The following DOCK5 variants were observed in gnomAD, a reference collection of about 807,000 sequenced individuals.
DOCK5 encodes the protein dedicator of cytokinesis 5.
DOCK5 carries 142 observed loss-of-function variants against 251.8 expected under a neutral mutation model. The ratio of observed to expected loss-of-function variants is 0.56; its 90% CI spans 0.49 to 0.65. The LOEUF (loss-of-function observed/expected upper bound fraction) is 0.65. Ranked by LOEUF, DOCK5 falls within the 30% of genes least tolerant of loss-of-function variation. The probability of loss-of-function intolerance (pLI) is 0.00; values close to 1 mark genes in which losing one functional copy is unlikely to be tolerated. For synonymous variants in DOCK5, 842 were observed against 835.5 expected (o/e 1.01, Z -0.13); for missense variants, 2,111 against 2,312.3 (o/e 0.91, Z 1.79).
At chr8:25,368,430 A>G (rs996517357) in intron 32 of DOCK5, 141 bp from the exon 33 acceptor site, 21 of 1,111,670 alleles carry the variant, frequency 1.9e-5, no homozygotes, top group African/African-American at 4.8e-5. Flanking sequence ...TGGCATCCAC[A>G]TGCTATCAGA....
chr8:25,411,701 G>A lies in DOCK5; in HGVS notation c.*403G>A, dbSNP rs868365531. On this transcript the variant is annotated 3_prime_UTR_variant, in exon 52 of 52. Transcript: ENST00000276440. ...TTTTGCTTTGCTTATGAAAAGCTGTGCTTGAGACTTAGGTACTTTTCTCAC... is the reference window on the plus strand; with the variant it reads ...TTTTGCTTTGCTTATGAAAAGCTGTACTTGAGACTTAGGTACTTTTCTCAC... 1 of 162,006 alleles carries A rather than the reference G, an allele frequency of 6.2e-6. No individual in the cohort carries two copies. The highest frequency in any genetic ancestry group is 1.3e-5 in the Non-Finnish European group (1 of 74,970). The allele number at this position is 162,006 out of a possible 1,614,324, so 10.0% of individuals were successfully genotyped here.
chr8:25,374,807 T>C (rs778082334), intron 37 of DOCK5, 153 bp downstream of exon 37: 191 of 1,528,382 alleles, frequency 1.2e-4, no homozygotes, highest in Non-Finnish European at 1.5e-4. Flanking sequence ...TAGGCACAGC[T>C]AATTTGTAGA....
chr8:25,411,295 G>GT lies in DOCK5; in HGVS notation c.5611dup (p.Ter1871LeufsTer13). The GT allele has an allele frequency of 6.5e-7, 1 of 1,536,444 alleles. No individual in the cohort carries two copies. Among genetic ancestry groups the GT allele is most frequent in the African/African-American group, 1.4e-5 (1 of 70,548 alleles). On this transcript the variant is annotated frameshift_variant, in exon 52 of 52. Transcript: ENST00000276440. LOFTEE classifies it high-confidence loss of function. Reference sequence around the variant, plus strand: ...TCCCTACTTCCGAGCCTGGATCCCAGTAAGGATCTTGCCCTCCCTGCAACA... The same window carrying GT: ...TCCCTACTTCCGAGCCTGGATCCCAGTTAAGGATCTTGCCCTCCCTGCAACA...
intron 1 of DOCK5, among the ~76,000 whole-genome samples, chr8:25,221,205 T>C (rs1009908446): frequency 6.6e-6 from 1 of 152,222 alleles, no homozygotes; most frequent in Admixed American, 6.5e-5. Flanking sequence ...TCTTTCTCTT[T>C]CCAAAGGAAT....
In DOCK5 at chr8:25,325,635, G is replaced by C. The variant is rs191968903; in HGVS notation, c.1903+88G>C. On this transcript the variant is annotated intron_variant, in intron 18 of 51. Transcript: ENST00000276440. ...TTAGGCTCACAGGGCTGGACTATAT[G>C]GGGCTGGGTCTTATTAGGTAGGATG... The C allele has an allele frequency of 9.4e-6, 14 of 1,484,724 alleles. No homozygotes were observed. The African/African-American group carries it at 1.7e-4, about 18-fold the overall frequency. The allele number at this position is 1,484,724 out of a possible 1,614,324, so 92.0% of individuals were successfully genotyped here.
chr8:25,246,567 G>A (rs888545541), intron 2 of DOCK5, among the ~76,000 whole-genome samples: 2 of 152,152 alleles, frequency 1.3e-5, no homozygotes, highest in Admixed American at 6.6e-5. Flanking sequence ...GTAAGCCACC[G>A]CACCTGGTCA....
chr8:25,360,021 C>T (rs566685339), intron 28 of DOCK5, among the ~76,000 whole-genome samples: 55 of 152,274 alleles, frequency 3.6e-4, no homozygotes, highest in Non-Finnish European at 6.9e-4. Flanking sequence ...CAGGATGTGC[C>T]GCTGGATTAG....
chr8:25,245,474 A>T (rs899281051), intron 2 of DOCK5, among the ~76,000 whole-genome samples: 1 of 151,614 alleles, frequency 6.6e-6, no homozygotes, highest in South Asian at 2.1e-4. Context: ...GCATAAGTTC[A>T]ATTTTTCTAA....
chr8:25,317,648 T>A (rs1304286895), intron 14 of DOCK5, among the ~76,000 whole-genome samples: 1 of 152,218 alleles, frequency 6.6e-6, no homozygotes, highest in African/African-American at 2.4e-5. Context: ...TCTTGCTCTG[T>A]CGCCCAGGCT....
chr8:25,293,833 A>G (rs1289459308), intron 6 of DOCK5, among the ~76,000 whole-genome samples: 1 of 152,082 alleles, frequency 6.6e-6, no homozygotes, highest in East Asian at 1.9e-4. Flanking sequence ...ATGAAACCCC[A>G]TCTCTACTAA....
intron 20 of DOCK5, 106 bp downstream of exon 20, chr8:25,332,798 G>A (rs925888857): frequency 1.2e-6 from 1 of 819,342 alleles, no homozygotes; most frequent in African/African-American, 1.7e-5. Context: ...ATAAATATTT[G>A]TTTACATCTC....
intron 1 of DOCK5, among the ~76,000 whole-genome samples, chr8:25,242,643 TGGCTTGTCTTAA>T (rs1802984516): frequency 6.6e-6 from 1 of 152,246 alleles, no homozygotes; most frequent in African/African-American, 2.4e-5. Flanking sequence ...TTCAAAGCTC[TGGCTTGTCTTAA>T]AATTGGGTTG....
chr8:25,363,353 C>G (rs1705908626), intron 29 of DOCK5, among the ~76,000 whole-genome samples: 1 of 152,208 alleles, frequency 6.6e-6, no homozygotes. Context: ...CTACTCCCTT[C>G]TCTAGCGTCG....
rs1353833083 is a variant in DOCK5 at position 25,412,298 on chromosome 8, C to G, written c.*1000C>G. On this transcript the variant is annotated 3_prime_UTR_variant, in exon 52 of 52. Coordinates refer to ENST00000276440, the MANE Select transcript of DOCK5 (RefSeq NM_024940.8). ...ATTGTGGAATTAATTTGATTGCTTG[C>G]TAATGGTACTAGTAGTACTCCTTTC... The G allele has an allele frequency of 1.3e-5, 2 of 152,028 alleles. No homozygotes were observed. Among genetic ancestry groups the G allele is most frequent in the Non-Finnish European group, 2.9e-5 (2 of 68,024 alleles). The allele number at this position is 152,028 out of a possible 1,614,324, so 9.4% of individuals were successfully genotyped here. A position where few individuals can be genotyped will look rare whatever the true frequency, so the allele number is the denominator to read the frequency against.
chr8:25,393,095 G>T (rs377524365), intron 44 of DOCK5, among the ~76,000 whole-genome samples: 9 of 152,314 alleles, frequency 5.9e-5, no homozygotes, highest in African/African-American at 2.2e-4. Context: ...CAATCACAGT[G>T]AATGACTCTT....
intron 1 of DOCK5, among the ~76,000 whole-genome samples, chr8:25,222,018 G>A (rs1025887166): frequency 1.3e-5 from 2 of 152,156 alleles, no homozygotes; most frequent in Non-Finnish European, 2.9e-5. Flanking sequence ...CTTTTCTCCT[G>A]CTGTCAGCCC....
intron 1 of DOCK5, among the ~76,000 whole-genome samples, chr8:25,190,116 A>T (rs1380056362): frequency 6.6e-6 from 1 of 151,750 alleles, no homozygotes; most frequent in Admixed American, 6.6e-5. Flanking sequence ...GGAACTCCTG[A>T]CTTCATGTGA....
At chr8:25,276,765 G>T (rs548047418) in intron 4 of DOCK5, among the ~76,000 whole-genome samples, 150 of 152,254 alleles carry the variant, frequency 9.9e-4, no homozygotes, top group African/African-American at 3.6e-3. Flanking sequence ...TGTTTAAAAA[G>T]TGTAAATGTC....
chr8:25,340,174 C>T (rs1805918230), intron 22 of DOCK5, among the ~76,000 whole-genome samples: 1 of 152,192 alleles, frequency 6.6e-6, no homozygotes, highest in Non-Finnish European at 1.5e-5. Flanking sequence ...TTTTGAGATA[C>T]TTTGGGGACT....
Sources: allele counts gnomAD v4.1 joint callset (sites outside exome capture counted in the v4.1 genomes callset), GRCh38; gene constraint gnomAD v4.1.1; transcripts MANE v1.5; gene names NCBI Gene and HGNC (gene_info 2026-07-23, HGNC 2026-07-21).